Variants in CCDC7 observed in about 807,000 individuals in gnomAD.
The protein encoded by CCDC7 is coiled-coil domain-containing protein 7.
In CCDC7, 183 loss-of-function variants were observed where a neutral mutation model predicts 196.9. That is an observed-to-expected ratio of 0.93 (90% CI 0.82 to 1.05). The LOEUF is 1.05. Among genes scored for constraint, CCDC7 ranks in the 50% least tolerant of loss-of-function variants. The pLI, the probability that CCDC7 is intolerant of heterozygous loss-of-function variation, is 0.00. For missense variants in CCDC7, 1,540 were observed against 1,482.2 expected (o/e 1.04, Z -0.64); for synonymous variants, 525 against 484.6 (o/e 1.08, Z -1.10).
intron 23 of CCDC7, 120 bp from the exon 25 acceptor site, chr10:32,694,759 A>G (rs761818918): frequency 1.9e-6 from 1 of 536,248 alleles, no homozygotes; most frequent in East Asian, 3.1e-5. Context: ...ATTTCTGATA[A>G]TTTACTTACA....
At chr10:32,855,372 T>C (rs543799312) in intron 41 of CCDC7, among the ~76,000 whole-genome samples, 2 of 152,316 alleles carry the variant, frequency 1.3e-5, no homozygotes, top group Admixed American at 1.3e-4. Flanking sequence ...TTTCTATTAT[T>C]ATTACACTGT....
At chr10:32,725,528 A>G in intron 25 of CCDC7, 1 of 401,972 alleles carries the variant, frequency 2.5e-6, no homozygotes, top group Non-Finnish European at 4.9e-6. Flanking sequence ...GTGTTCATGC[A>G]TTTTGTATTG....
intron 8 of CCDC7, among the ~76,000 whole-genome samples, chr10:32,487,435 C>CT (rs1312723545): frequency 1.3e-5 from 2 of 152,112 alleles, no homozygotes; most frequent in Non-Finnish European, 2.9e-5. Flanking sequence ...TTTGAACTTC[C>CT]TTTTTTAGCT....
intron 20 of CCDC7, among the ~76,000 whole-genome samples, chr10:32,647,757 C>CT (rs1477987535): frequency 6.6e-6 from 1 of 152,132 alleles, no homozygotes; most frequent in Non-Finnish European, 1.5e-5. Context: ...TTCATGAATA[C>CT]TTTCTCTGAT....
At chr10:32,653,270 C>T (rs1044725596) in intron 20 of CCDC7, among the ~76,000 whole-genome samples, 3 of 152,122 alleles carry the variant, frequency 2.0e-5, no homozygotes, top group African/African-American at 7.2e-5. Flanking sequence ...AGTCTCAATG[C>T]TCCCTATGTG....
chr10:32,456,921 G>C (rs184141049), intron 3 of CCDC7, among the ~76,000 whole-genome samples: 197 of 151,890 alleles, frequency 1.3e-3, no homozygotes, highest in Non-Finnish European at 2.1e-3. Flanking sequence ...GCGATATTTT[G>C]ATACATACAA....
chr10:32,652,657 G>C (rs1379086565), intron 20 of CCDC7, among the ~76,000 whole-genome samples: 1 of 151,830 alleles, frequency 6.6e-6, no homozygotes, highest in African/African-American at 2.4e-5. Context: ...AGTTAACATT[G>C]GTCACAAAGA....
chr10:32,597,386 C>A (rs1037275432), intron 18 of CCDC7, among the ~76,000 whole-genome samples: 18 of 152,146 alleles, frequency 1.2e-4, no homozygotes, highest in African/African-American at 4.3e-4. Context: ...CATTTAAGGA[C>A]TTCTCTACAC....
intron 18 of CCDC7, among the ~76,000 whole-genome samples, chr10:32,599,193 A>C (rs183988657): frequency 1.3e-5 from 2 of 152,194 alleles, no homozygotes; most frequent in Admixed American, 6.5e-5. Flanking sequence ...TCTTGGCTTA[A>C]AGTCTGTTTT....
intron 5 of CCDC7, among the ~76,000 whole-genome samples, chr10:32,467,137 C>G (rs1281436840): frequency 1.3e-5 from 2 of 150,640 alleles, no homozygotes; most frequent in Non-Finnish European, 3.0e-5. Context: ...GAGTCTTGCT[C>G]CCTCGCCAGG....
At chr10:32,751,867 A>G (rs1011650889) in intron 28 of CCDC7, among the ~76,000 whole-genome samples, 1 of 152,146 alleles carries the variant, frequency 6.6e-6, no homozygotes, top group African/African-American at 2.4e-5. Context: ...ATATTCTTCA[A>G]GTTTATGAAC....
At chr10:32,575,433 C>T (rs971927949) in intron 16 of CCDC7, among the ~76,000 whole-genome samples, 6 of 152,006 alleles carry the variant, frequency 3.9e-5, no homozygotes, top group African/African-American at 9.7e-5. Flanking sequence ...ATATAATATC[C>T]CCTGAGCTGT....
At chr10:32,614,666 C>T (rs2062579465) in intron 18 of CCDC7, among the ~76,000 whole-genome samples, 1 of 152,144 alleles carries the variant, frequency 6.6e-6, no homozygotes, top group Non-Finnish European at 1.5e-5. Flanking sequence ...ACATTTTAGT[C>T]TCCATCAAAA....
intron 8 of CCDC7, among the ~76,000 whole-genome samples, chr10:32,488,773 A>C (rs976454675): frequency 5.9e-5 from 9 of 152,148 alleles, no homozygotes; most frequent in African/African-American, 1.2e-4. Context: ...AGCTTCCTTA[A>C]AACTATTATT....
intron 29 of CCDC7, among the ~76,000 whole-genome samples, chr10:32,788,592 C>T (rs948516208): frequency 6.6e-6 from 1 of 152,190 alleles, no homozygotes; most frequent in African/African-American, 2.4e-5. Context: ...TCTCACAACT[C>T]CAGGCTTTAG....
chr10:32,479,200 A>G (rs2039537322), intron 8 of CCDC7, among the ~76,000 whole-genome samples: 1 of 151,852 alleles, frequency 6.6e-6, no homozygotes, highest in Non-Finnish European at 1.5e-5. Context: ...TCGTATTTGG[A>G]CACCTTTTAT....
chr10:32,808,107 C>T (rs1165806344), intron 30 of CCDC7, among the ~76,000 whole-genome samples: 1 of 152,158 alleles, frequency 6.6e-6, no homozygotes, highest in Non-Finnish European at 1.5e-5. Flanking sequence ...TGACAACTGC[C>T]ATTGCTGTTA....
intron 28 of CCDC7, among the ~76,000 whole-genome samples, chr10:32,773,409 C>A (rs1033030606): frequency 3.3e-5 from 5 of 152,058 alleles, no homozygotes; most frequent in African/African-American, 1.2e-4. Context: ...TTCATATGTT[C>A]TGTCTTTGAG....
chr10:32,656,798 T>C (rs1462651436), intron 20 of CCDC7, among the ~76,000 whole-genome samples: 1 of 152,198 alleles, frequency 6.6e-6, no homozygotes, highest in African/African-American at 2.4e-5. Context: ...TCTTAACTTA[T>C]TCCAGCATTA....
Sources: gnomAD v4.1 joint callset for allele counts (sites outside exome capture counted in the v4.1 genomes callset) on GRCh38, gnomAD v4.1.1 for gene constraint, MANE v1.5 for transcripts, NCBI Gene and HGNC (gene_info 2026-07-23, HGNC 2026-07-21) for gene names.